Variants in RIMS1 observed in about 807,000 individuals in gnomAD.
RIMS1 encodes the protein regulating synaptic membrane exocytosis protein 1.
RIMS1 carries 83 observed loss-of-function variants against 214.1 expected under a neutral mutation model. That is an observed-to-expected ratio of 0.39 (90% CI 0.32 to 0.47). RIMS1 has a LOEUF of 0.47. RIMS1 is among the 20% of genes least tolerant of loss of function. The pLI, the probability that RIMS1 is intolerant of heterozygous loss-of-function variation, is 0.99. For missense variants in RIMS1, 2,050 were observed against 2,161.8 expected (o/e 0.95, Z 1.03); for synonymous variants, 793 against 786.8 (o/e 1.01, Z -0.13).
At chr6:72,001,152 T>C (rs1320558084) in intron 2 of RIMS1, among the ~76,000 whole-genome samples, 1 of 152,190 alleles carries the variant, frequency 6.6e-6, no homozygotes, top group East Asian at 1.9e-4. Context: ...CTTGATCTCC[T>C]TAGCATACTA....
chr6:72,153,630 C>G (rs79225302), intron 4 of RIMS1, among the ~76,000 whole-genome samples: 1 of 151,998 alleles, frequency 6.6e-6, no homozygotes, highest in African/African-American at 2.4e-5. Context: ...TCAGATAAAA[C>G]TACCCCCAGT....
chr6:72,229,479 A>G (rs748336775), intron 6 of RIMS1, among the ~76,000 whole-genome samples: 7 of 151,936 alleles, frequency 4.6e-5, no homozygotes, highest in Non-Finnish European at 1.0e-4. Flanking sequence ...TGTAATGCCT[A>G]GATAATAAGC....
At chr6:72,143,948 G>A (rs921026973) in intron 4 of RIMS1, among the ~76,000 whole-genome samples, 2 of 152,092 alleles carry the variant, frequency 1.3e-5, no homozygotes, top group East Asian at 3.8e-4. Context: ...AAAAGGACAG[G>A]GAAAAGTAAA....
At chr6:72,294,989 C>T (rs1329069095) in intron 26 of RIMS1, among the ~76,000 whole-genome samples, 3 of 151,762 alleles carry the variant, frequency 2.0e-5, no homozygotes, top group Non-Finnish European at 1.5e-5. Flanking sequence ...CACAATATCC[C>T]AGCATATCCC....
chr6:72,067,936 T>G (rs1322164870), intron 2 of RIMS1, among the ~76,000 whole-genome samples: 3 of 152,202 alleles, frequency 2.0e-5, no homozygotes, highest in Admixed American at 2.0e-4. Flanking sequence ...ATGGAATAAC[T>G]GAGAGCTTAG....
At chr6:72,061,503 C>T (rs890056637) in intron 2 of RIMS1, among the ~76,000 whole-genome samples, 3 of 152,198 alleles carry the variant, frequency 2.0e-5, no homozygotes, top group African/African-American at 4.8e-5. Flanking sequence ...TGGACTGGTC[C>T]GCTTTGCACT....
chr6:72,311,077 T>C (rs557754640), intron 27 of RIMS1, among the ~76,000 whole-genome samples: 2 of 152,310 alleles, frequency 1.3e-5, no homozygotes, highest in African/African-American at 4.8e-5. Context: ...CATACCTTTA[T>C]GCTTTAGTGT....
chr6:71,950,383 A>T (rs1450529338), intron 1 of RIMS1, among the ~76,000 whole-genome samples: 3 of 152,156 alleles, frequency 2.0e-5, no homozygotes, highest in Non-Finnish European at 4.4e-5. Flanking sequence ...ATCTGAAAAA[A>T]AAAGCAGTTA....
chr6:72,227,867 G>C (rs2060688108), intron 6 of RIMS1, among the ~76,000 whole-genome samples: 1 of 151,866 alleles, frequency 6.6e-6, no homozygotes. Context: ...AATTATCAAA[G>C]TTACATATCA....
chr6:72,011,578 C>T (rs536290235), intron 2 of RIMS1, among the ~76,000 whole-genome samples: 166 of 152,236 alleles, frequency 1.1e-3, no homozygotes, highest in Non-Finnish European at 2.1e-3. Context: ...GCAATCTACT[C>T]ATCTGACAAA....
At chr6:72,186,947 A>G (rs955743672) in intron 6 of RIMS1, among the ~76,000 whole-genome samples, 2 of 152,130 alleles carry the variant, frequency 1.3e-5, no homozygotes, top group African/African-American at 4.8e-5. Context: ...CCTGGGCAAC[A>G]TGGTGAAACC....
chr6:72,097,079 G>T lies in RIMS1; in HGVS notation c.376G>T (p.Asp126Tyr), dbSNP rs762416777. 1.2e-6 allele frequency: 2 copies of T among 1,614,020 alleles called. No individual in the cohort carries two copies. Among genetic ancestry groups the T allele is most frequent in the South Asian group, 1.1e-5 (1 of 91,082 alleles). Residue 126 changes from aspartate (D) to tyrosine (Y), a missense_variant, in exon 3 of 34, where the codon GAT becomes TAT. Coordinates refer to ENST00000521978, the MANE Select transcript of RIMS1 (RefSeq NM_014989.7). ...AATCTGTCATAAAACAAAGTTTGCT[G>T]ATGGGTGCGGTCATCTCTGCTCCTA... ...CGICHKTKFADGCGHLCSYCR... is the reference protein window; with the variant it reads ...CGICHKTKFAYGCGHLCSYCR...
At chr6:71,984,802 TATC>T (rs1180587691) in intron 2 of RIMS1, among the ~76,000 whole-genome samples, 7 of 151,100 alleles carry the variant, frequency 4.6e-5, no homozygotes, top group Admixed American at 1.3e-4. Flanking sequence ...TCTATCTATC[TATC>T]TATCTATCTA....
chr6:71,929,003 A>AT (rs1044847867), intron 1 of RIMS1, among the ~76,000 whole-genome samples: 22 of 152,090 alleles, frequency 1.4e-4, no homozygotes, highest in Non-Finnish European at 2.4e-4. Context: ...ACATTGTGCT[A>AT]TTTTTTGGTA....
intron 28 of RIMS1, among the ~76,000 whole-genome samples, chr6:72,330,417 AGAT>A (rs2096619660): frequency 6.6e-6 from 1 of 151,798 alleles, no homozygotes; most frequent in Non-Finnish European, 1.5e-5. Flanking sequence ...TGACTTTTAA[AGAT>A]GGGTTATAGC....
intron 1 of RIMS1, 134 bp from the exon 2 acceptor site, chr6:71,968,849 G>T (rs1286986608): frequency 1.2e-6 from 1 of 806,508 alleles, no homozygotes; most frequent in Non-Finnish European, 2.0e-6. Flanking sequence ...CTTTGCTGGG[G>T]CCCCAAGGTT....
At chr6:72,125,984 G>A (rs571099794) in intron 4 of RIMS1, among the ~76,000 whole-genome samples, 36 of 152,176 alleles carry the variant, frequency 2.4e-4, no homozygotes, top group Non-Finnish European at 3.4e-4. Context: ...CTCACCCTCC[G>A]TGGGCTGCAC....
intron 24 of RIMS1, among the ~76,000 whole-genome samples, chr6:72,289,288 TTAAAG>T (rs2092939273): frequency 6.6e-6 from 1 of 152,214 alleles, no homozygotes; most frequent in Non-Finnish European, 1.5e-5. Flanking sequence ...ATAATGACTT[TTAAAG>T]AGTAATAGAT....
At chr6:72,262,516 C>A (rs1342503960) in intron 19 of RIMS1, 28 of 985,158 alleles carry the variant, frequency 2.8e-5, no homozygotes, top group African/African-American at 3.5e-5. Context: ...AGTGTCTTTT[C>A]TCCTTCCTGT....
Sources: gnomAD v4.1 joint callset for allele counts (sites outside exome capture counted in the v4.1 genomes callset) on GRCh38, gnomAD v4.1.1 for gene constraint, MANE v1.5 for transcripts, NCBI Gene and HGNC (gene_info 2026-07-23, HGNC 2026-07-21) for gene names.